TRIM44: variants seen among roughly 807,000 people sequenced by gnomAD.
TRIM44 encodes the protein tripartite motif containing 44.
A neutral mutation model predicts 37.4 loss-of-function variants in TRIM44; 13 were observed. The observed-to-expected ratio is 0.35, with a 90% CI of 0.23 to 0.55. The LOEUF (loss-of-function observed/expected upper bound fraction) is 0.55, where lower values mean the gene tolerates loss of function less well. Among genes scored for constraint, TRIM44 ranks in the 20% least tolerant of loss-of-function variants. The pLI is 0.89. For missense variants in TRIM44, 426 were observed against 437.2 expected (o/e 0.97, Z 0.23); for synonymous variants, 175 against 157.2 (o/e 1.11, Z -0.85).
At chr11:35,711,328 G>T (rs776857715) in intron 2 of TRIM44, among the ~76,000 whole-genome samples, 3 of 152,064 alleles carry the variant, frequency 2.0e-5, no homozygotes, top group Admixed American at 2.0e-4. Flanking sequence ...CAGGGATGAG[G>T]GTTAAAAACC....
chr11:35,708,569 A>G (rs1439840151), intron 2 of TRIM44, among the ~76,000 whole-genome samples: 1 of 151,822 alleles, frequency 6.6e-6, no homozygotes, highest in Non-Finnish European at 1.5e-5. Flanking sequence ...ACACCATGGA[A>G]TACTATGCAG....
intron 1 of TRIM44, among the ~76,000 whole-genome samples, chr11:35,673,577 A>G (rs941580314): frequency 2.2e-4 from 33 of 152,210 alleles, no homozygotes; most frequent in African/African-American, 7.5e-4. Context: ...TTAAAGAACT[A>G]GAGTGCTTAG....
In TRIM44 at chr11:35,806,564, T is replaced by C; in HGVS notation, c.*179T>C. 1 of 634,896 alleles carries C rather than the reference T, an allele frequency of 1.6e-6. No individual in the cohort carries two copies. The allele number at this position is 634,896 out of a possible 1,614,324, so 39.3% of individuals were successfully genotyped here. On this transcript the variant is annotated 3_prime_UTR_variant, in exon 5 of 5. Transcript: ENST00000299413. ...AAGGGATGACCAGTTTTATGCTTACTGTGTGCTTCTCATCCCCTGGTTGTG... is the reference window on the plus strand; with the variant it reads ...AAGGGATGACCAGTTTTATGCTTACCGTGTGCTTCTCATCCCCTGGTTGTG...
intron 2 of TRIM44, among the ~76,000 whole-genome samples, chr11:35,692,532 T>C (rs1266612181): frequency 6.6e-6 from 1 of 152,176 alleles, no homozygotes; most frequent in Non-Finnish European, 1.5e-5. Context: ...TCAGTGAGCG[T>C]TTCCTTTGTC....
chr11:35,677,946 G>C (rs1252334498), intron 1 of TRIM44, among the ~76,000 whole-genome samples: 1 of 152,164 alleles, frequency 6.6e-6, no homozygotes, highest in East Asian at 1.9e-4. Context: ...TAGTGACCTG[G>C]GTGTAGTTAG....
At chr11:35,704,663 A>G (rs1186507760) in intron 2 of TRIM44, among the ~76,000 whole-genome samples, 2 of 152,132 alleles carry the variant, frequency 1.3e-5, no homozygotes, top group Non-Finnish European at 2.9e-5. Flanking sequence ...GCCAAACTAA[A>G]CTTCATAAGC....
chr11:35,730,607 G>C (rs1288256862), intron 3 of TRIM44, among the ~76,000 whole-genome samples: 3 of 152,106 alleles, frequency 2.0e-5, no homozygotes, highest in Non-Finnish European at 4.4e-5. Flanking sequence ...AAAGAGAAAT[G>C]ACACATTAGC....
chr11:35,665,586 G>GTTT (rs35522287), intron 1 of TRIM44, among the ~76,000 whole-genome samples: 3 of 71,510 alleles, frequency 4.2e-5, no homozygotes, highest in Non-Finnish European at 2.7e-5. Flanking sequence ...TTATATATCT[G>GTTT]TTTTTTTTTT....
chr11:35,707,036 C>T (rs1483325664), intron 2 of TRIM44, among the ~76,000 whole-genome samples: 2 of 152,278 alleles, frequency 1.3e-5, no homozygotes, highest in East Asian at 3.9e-4. Context: ...CCCAAAATCT[C>T]CTTAAGCTGA....
chr11:35,798,702 A>G (rs943837686), intron 4 of TRIM44, among the ~76,000 whole-genome samples: 7 of 152,234 alleles, frequency 4.6e-5, no homozygotes, highest in Admixed American at 4.6e-4. Flanking sequence ...AATATTAGGT[A>G]TGATAAATCC....
At chr11:35,702,065 G>T (rs3118133) in intron 2 of TRIM44, among the ~76,000 whole-genome samples, 3,881 of 152,244 alleles carry the variant, frequency 0.025, 125 homozygotes, top group African/African-American at 0.073. Flanking sequence ...GCCACCCAAG[G>T]GGTTATATGG....
At chr11:35,804,660 T>G (rs1439871661) in intron 4 of TRIM44, among the ~76,000 whole-genome samples, 2 of 152,168 alleles carry the variant, frequency 1.3e-5, no homozygotes, top group Non-Finnish European at 2.9e-5. Context: ...GAAGCTTTCA[T>G]AAAAGACCCT....
intron 2 of TRIM44, among the ~76,000 whole-genome samples, chr11:35,711,110 C>T (rs1007052762): frequency 6.6e-6 from 1 of 151,960 alleles, no homozygotes; most frequent in African/African-American, 2.4e-5. Context: ...GTTTTAAAAC[C>T]AATGGTAATG....
At chr11:35,785,711 AAG>A in intron 4 of TRIM44, among the ~76,000 whole-genome samples, 1 of 152,360 alleles carries the variant, frequency 6.6e-6, no homozygotes, top group South Asian at 2.1e-4. Flanking sequence ...TGCCCATCTT[AAG>A]AGAGTTCCTC....
At chr11:35,693,876 T>C (rs1014599139) in intron 2 of TRIM44, among the ~76,000 whole-genome samples, 5 of 152,140 alleles carry the variant, frequency 3.3e-5, no homozygotes, top group Admixed American at 2.6e-4. Context: ...ATTTAAAACG[T>C]TGGAAAGAAT....
chr11:35,756,967 C>G (rs577885424), intron 4 of TRIM44, among the ~76,000 whole-genome samples: 1 of 152,074 alleles, frequency 6.6e-6, no homozygotes, highest in Non-Finnish European at 1.5e-5. Context: ...CTGAAATTCT[C>G]TTTTTTTGTT....
intron 4 of TRIM44, among the ~76,000 whole-genome samples, chr11:35,739,612 C>T (rs117203762): frequency 1.3e-5 from 2 of 152,242 alleles, no homozygotes; most frequent in East Asian, 3.9e-4. Flanking sequence ...GTCTCATTCT[C>T]ACACAGTATC....
At position 35,778,555 on chromosome 11, in the gene TRIM44, T is replaced by G. The variant is rs150146025; in HGVS notation, c.1008-27803T>G. Among the ~76,000 whole-genome samples, 80 of 152,296 alleles carry G rather than the reference T, an allele frequency of 5.3e-4. No individual in the cohort carries two copies. The East Asian group carries it at 0.015, about 28-fold the overall frequency. The stretch of plus-strand genomic sequence containing the variant: ...AAGAGGTGCTCTAATTTTTAGAATT[T>G]TTCGATTTTCTGCTCTGGTTTCTCC... On this transcript the variant is annotated intron_variant, in intron 4 of 4. Transcript: ENST00000299413.
chr11:35,759,935 C>G lies in TRIM44; in HGVS notation c.1007+24490C>G, dbSNP rs181650604. ...GGGGCTGTCTCCCAGTTAGGCTACT[C>G]GGGGTTCAGGGACCCACTTGAGGCA... On this transcript the variant is annotated intron_variant, in intron 4 of 4. Transcript: ENST00000299413. 1.8e-3 allele frequency among the ~76,000 whole-genome samples: 281 copies of G among 152,334 alleles called. 2 individuals are homozygous for G. The highest frequency in any genetic ancestry group is 6.5e-3 in the African/African-American group (270 of 41,590).
Sources: gnomAD v4.1 joint callset for allele counts (sites outside exome capture counted in the v4.1 genomes callset) on GRCh38, gnomAD v4.1.1 for gene constraint, MANE v1.5 for transcripts, NCBI Gene and HGNC (gene_info 2026-07-23, HGNC 2026-07-21) for gene names.